The following TAF4B variants were observed in gnomAD, a reference collection of about 807,000 sequenced individuals.
TAF4B encodes transcription initiation factor TFIID subunit 4B.
A neutral mutation model predicts 86.4 loss-of-function variants in TAF4B; 38 were observed. The observed-to-expected ratio is 0.44, with a 90% CI of 0.34 to 0.58. TAF4B has a LOEUF of 0.58. TAF4B is among the 20% of genes least tolerant of loss of function. The pLI, the probability that TAF4B is intolerant of heterozygous loss-of-function variation, is 0.02. For missense variants in TAF4B, 988 were observed against 1,027.6 expected, an observed-to-expected ratio of 0.96 and a Z score of 0.53; for synonymous variants, 388 against 391.2, an observed-to-expected ratio of 0.99 and a Z score of 0.10.
At chr18:26,268,467 A>G (rs73946333) in intron 3 of TAF4B, among the ~76,000 whole-genome samples, 15 of 152,216 alleles carry the variant, frequency 9.9e-5, no homozygotes, top group Non-Finnish European at 1.3e-4. Flanking sequence ...ACTACCAACT[A>G]TACTGGTCTT....
At chr18:26,328,541 T>G (rs1463765586) in intron 12 of TAF4B, among the ~76,000 whole-genome samples, 1 of 152,218 alleles carries the variant, frequency 6.6e-6, no homozygotes, top group Non-Finnish European at 1.5e-5. Context: ...GCCAAAACTG[T>G]ACAAAGTACT....
At chr18:26,274,535 C>G (rs2056359306) in intron 3 of TAF4B, 128 bp from the exon 4 acceptor site, 1 of 987,818 alleles carries the variant, frequency 1.0e-6, no homozygotes, top group South Asian at 1.6e-5. Context: ...ATTATATTGC[C>G]TTAGACTACT....
intron 7 of TAF4B, among the ~76,000 whole-genome samples, chr18:26,288,416 C>T (rs1305578034): frequency 6.6e-6 from 1 of 152,088 alleles, no homozygotes; most frequent in Non-Finnish European, 1.5e-5. Flanking sequence ...GGGCGGATCA[C>T]CTGAGGTCAG....
At chr18:26,234,331 T>C (rs1443484043) in intron 1 of TAF4B, among the ~76,000 whole-genome samples, 2 of 152,230 alleles carry the variant, frequency 1.3e-5, no homozygotes. Flanking sequence ...CCTTGGGTTT[T>C]TGCACTGTGT....
intron 14 of TAF4B, among the ~76,000 whole-genome samples, chr18:26,366,130 C>T (rs969663406): frequency 6.6e-6 from 1 of 152,094 alleles, no homozygotes; most frequent in Non-Finnish European, 1.5e-5. Context: ...TATTTCTGCT[C>T]ATTTTATAAA....
At chr18:26,358,132 G>A (rs916581814) in intron 14 of TAF4B, among the ~76,000 whole-genome samples, 1 of 152,010 alleles carries the variant, frequency 6.6e-6, no homozygotes, top group African/African-American at 2.4e-5. Flanking sequence ...GTCTAAATCT[G>A]GCTAATCTTG....
At chr18:26,312,152 A>AGAAGACTT (rs1176173502) in intron 9 of TAF4B, among the ~76,000 whole-genome samples, 3 of 152,244 alleles carry the variant, frequency 2.0e-5, no homozygotes, top group African/African-American at 7.2e-5. Flanking sequence ...GCATCAGACC[A>AGAAGACTT]GAAGACTTGA....
intron 10 of TAF4B, among the ~76,000 whole-genome samples, chr18:26,315,766 G>GA (rs2056904767): frequency 6.6e-6 from 1 of 151,976 alleles, no homozygotes; most frequent in Non-Finnish European, 1.5e-5. Flanking sequence ...GAAATACAGG[G>GA]ACATCCAAAG....
chr18:26,303,383 T>C (rs1021192081), intron 9 of TAF4B, among the ~76,000 whole-genome samples: 13 of 67,764 alleles, frequency 1.9e-4, no homozygotes, highest in South Asian at 5.3e-4. Flanking sequence ...ACTTTCATCC[T>C]CCCTCCACTT....
intron 13 of TAF4B, among the ~76,000 whole-genome samples, chr18:26,355,393 G>A (rs945276611): frequency 6.6e-6 from 1 of 152,120 alleles, no homozygotes; most frequent in Admixed American, 6.5e-5. Flanking sequence ...GTTACTTATT[G>A]TAGTCTTTAT....
At chr18:26,307,869 G>A (rs938189923) in intron 9 of TAF4B, among the ~76,000 whole-genome samples, 3 of 152,100 alleles carry the variant, frequency 2.0e-5, no homozygotes, top group Non-Finnish European at 4.4e-5. Flanking sequence ...CAGCACTCTG[G>A]GAGGCTGAGT....
chr18:26,240,392 T>C (rs191748341), intron 1 of TAF4B, among the ~76,000 whole-genome samples: 1 of 152,354 alleles, frequency 6.6e-6, no homozygotes, highest in Admixed American at 6.5e-5. Context: ...GTTTGTCTGT[T>C]ATTGGTGTAT....
chr18:26,338,548 G>A (rs886635493), intron 13 of TAF4B, among the ~76,000 whole-genome samples: 16 of 135,962 alleles, frequency 1.2e-4, no homozygotes, highest in Non-Finnish European at 1.5e-4. Flanking sequence ...GCACGATCTC[G>A]GCTCACTGCA....
At chr18:26,386,748 C>G (rs1978398341) in intron 14 of TAF4B, among the ~76,000 whole-genome samples, 1 of 151,554 alleles carries the variant, frequency 6.6e-6, no homozygotes, top group Non-Finnish European at 1.5e-5. Flanking sequence ...GTGTATTATT[C>G]CATGGTATGA....
Position 26,286,208 on chromosome 18 carries a change from T to C in TAF4B, c.1299T>C (p.Thr433=). 6.2e-7 allele frequency: 1 copy of C among 1,614,234 alleles called. No homozygotes were observed. ...GTTAGTGLLQ[T]SKPLVTSVAN... ...CAGCTGGAACTGGTTTGCTTCAGACTTCAAAACCACTTGTGACATCTGTGG... is the reference window on the plus strand; with the variant it reads ...CAGCTGGAACTGGTTTGCTTCAGACCTCAAAACCACTTGTGACATCTGTGG... The change falls in exon 7 of 15, where the codon ACT becomes ACC. Residue 433 remains threonine, a synonymous_variant. Coordinates refer to ENST00000269142, the MANE Select transcript of TAF4B (RefSeq NM_005640.3).
chr18:26,325,571 A>G (rs1392230848), intron 11 of TAF4B, among the ~76,000 whole-genome samples: 1 of 152,184 alleles, frequency 6.6e-6, no homozygotes, highest in Non-Finnish European at 1.5e-5. Context: ...AGAGAGAGGA[A>G]GGAATCTTAG....
At chr18:26,334,577 A>C (rs1245304751) in intron 12 of TAF4B, among the ~76,000 whole-genome samples, 1 of 152,222 alleles carries the variant, frequency 6.6e-6, no homozygotes, top group Non-Finnish European at 1.5e-5. Flanking sequence ...ATGGAAGGCG[A>C]CATCCAATAA....
At chr18:26,303,015 ACTTCTCCTT>A (rs201029986) in intron 9 of TAF4B, among the ~76,000 whole-genome samples, 5,344 of 149,378 alleles carry the variant, frequency 0.036, 172 homozygotes, top group Non-Finnish European at 0.053. Flanking sequence ...TTTTCTACCT[ACTTCTCCTT>A]CTTCTTTATT....
In TAF4B at chr18:26,260,022, G is replaced by C. The variant is rs935984653; in HGVS notation, c.344-5148G>C. Reference sequence around the variant, plus strand: ...CTCATTGTGGTTTCGATTTGCATTTGTCTGATGGCCAGTGATGATGAGCAT... The same window carrying C: ...CTCATTGTGGTTTCGATTTGCATTTCTCTGATGGCCAGTGATGATGAGCAT... On this transcript the variant is annotated intron_variant, in intron 1 of 14. Coordinates refer to ENST00000269142, the MANE Select transcript of TAF4B (RefSeq NM_005640.3). Among the ~76,000 whole-genome samples, 294 of 152,184 alleles carry C rather than the reference G, an allele frequency of 1.9e-3. 1 individual carries two copies. Among genetic ancestry groups the C allele is most frequent in the African/African-American group, 6.5e-3 (268 of 41,520 alleles).
Sources: allele counts gnomAD v4.1 joint callset (sites outside exome capture counted in the v4.1 genomes callset), GRCh38; gene constraint gnomAD v4.1.1; transcripts MANE v1.5; gene names NCBI Gene and HGNC (gene_info 2026-07-23, HGNC 2026-07-21).